Variants in RBM6 observed in about 807,000 individuals in gnomAD.
RBM6 encodes the protein RNA binding motif protein 6.
In RBM6, 23 loss-of-function variants were observed where a neutral mutation model predicts 140.4. The observed-to-expected ratio is 0.16, with a 90% CI of 0.12 to 0.23. RBM6 has a LOEUF of 0.23. Ranked by LOEUF, RBM6 falls within the 10% of genes least tolerant of loss-of-function variation. The pLI is 1.00. For synonymous variants in RBM6, 439 were observed against 475.6 expected (o/e 0.92, Z 1.00); for missense variants, 1,139 against 1,386.7 (o/e 0.82, Z 2.84).
chr3:49,960,008 C>G (rs2084211647), intron 1 of RBM6, among the ~76,000 whole-genome samples: 1 of 152,168 alleles, frequency 6.6e-6, no homozygotes, highest in Admixed American at 6.6e-5. Flanking sequence ...TCTGTAATCT[C>G]TTGCCCCAAG....
intron 5 of RBM6, among the ~76,000 whole-genome samples, chr3:49,985,133 T>A (rs1425860842): frequency 6.6e-6 from 1 of 152,220 alleles, no homozygotes; most frequent in African/African-American, 2.4e-5. Context: ...TGGGGCTTCC[T>A]ATGCCTTTTG....
intron 8 of RBM6, among the ~76,000 whole-genome samples, 170 bp downstream of exon 8, chr3:50,054,565 G>A (rs1439586113): frequency 1.3e-5 from 2 of 151,694 alleles, no homozygotes; most frequent in South Asian, 2.1e-4. Flanking sequence ...GAGTGCAGTG[G>A]CACCATCTTG....
chr3:49,984,601 A>ATCGCATCG (rs1559552631), intron 5 of RBM6, among the ~76,000 whole-genome samples: 50 of 91,680 alleles, frequency 5.5e-4, no homozygotes, highest in African/African-American at 1.9e-3. Flanking sequence ...ACATCACATC[A>ATCGCATCG]CATCACATCA....
Position 50,007,183 on chromosome 3 carries a change from G to C in RBM6, c.1557+7670G>C, listed in dbSNP as rs539203945. ...CAGGGGACTCCTTCCAGCTTCCCTA[G>C]TTGGAGTTTTTTTTTTTTTTTTTCC... is the stretch of plus-strand genomic sequence containing the variant. On this transcript the variant is annotated intron_variant, in intron 6 of 20. Coordinates refer to ENST00000266022, the MANE Select transcript of RBM6 (RefSeq NM_005777.3). Among the ~76,000 whole-genome samples the C allele has an allele frequency of 1.6e-3, 245 of 149,570 alleles. 1 individual carries two copies. Among genetic ancestry groups the C allele is most frequent in the Non-Finnish European group, 2.9e-3 (198 of 67,436 alleles).
rs2090120377 is a variant in RBM6, at chr3:50,066,332, C to T, written c.2773C>T (p.Pro925Ser). 5.0e-6 allele frequency: 8 copies of T among 1,613,958 alleles called. No individual in the cohort carries two copies. Among genetic ancestry groups the T allele is most frequent in the East Asian group, 2.2e-5 (1 of 44,894 alleles). The change falls in exon 17 of 21, where the codon CCC (proline) becomes TCC (serine). Residue 925 changes from proline (P) to serine (S), a missense_variant. Transcript: ENST00000266022. ...GGAAGAAGAGGAGGAACAGACCCCT[C>T]CCCCACAGCCCCGCACAGCACAGCC... ...EEEEEEEQTP[P>S]PQPRTAQPQK... is the part of the protein sequence containing the mutation.
At chr3:49,999,700 T>C (rs995436612) in intron 6 of RBM6, among the ~76,000 whole-genome samples, 187 bp downstream of exon 6, 1 of 151,678 alleles carries the variant, frequency 6.6e-6, no homozygotes, top group East Asian at 1.9e-4. Flanking sequence ...CAAAACTTAA[T>C]GGGCACAGAG....
rs1575874797 is a variant in RBM6 at position 50,068,696 on chromosome 3, C to T, written c.2950C>T (p.Leu984=). 1.2e-6 allele frequency: 2 copies of T among 1,614,096 alleles called. No homozygotes were observed. The part of the protein sequence containing the change: ...QQLSDLHKQN[L]EIHRKIKQSE... ...GAATTGCCTCTCTTCTCAGCAAAACCTGGAAATCCACCGGAAGATAAAACA... is the reference window on the plus strand; with the variant it reads ...GAATTGCCTCTCTTCTCAGCAAAACTTGGAAATCCACCGGAAGATAAAACA... Residue 984 remains leucine, a synonymous_variant, in exon 18 of 21, where the codon CTG becomes TTG. Coordinates refer to ENST00000266022, the MANE Select transcript of RBM6 (RefSeq NM_005777.3).
At chr3:49,977,879 G>A (rs1163524189) in intron 5 of RBM6, among the ~76,000 whole-genome samples, 1 of 152,178 alleles carries the variant, frequency 6.6e-6, no homozygotes. Context: ...CTACTTGGGA[G>A]TCTGAGATGG....
intron 19 of RBM6, among the ~76,000 whole-genome samples, chr3:50,073,075 G>A (rs2090354779): frequency 6.6e-6 from 1 of 152,114 alleles, no homozygotes; most frequent in Admixed American, 6.6e-5. Context: ...AGTCTAACAA[G>A]TCCAAATCTC....
In RBM6 at chr3:50,058,532, C is replaced by A; in HGVS notation, c.2100C>A (p.Thr700=). Residue 700 remains threonine, a synonymous_variant, in exon 10 of 21, where the codon ACC becomes ACA. Coordinates refer to ENST00000266022, the MANE Select transcript of RBM6 (RefSeq NM_005777.3). ...IKNRTGPMGH[T]YGFIDLDSHA... ...ACAGAACAGGCCCTATGGGGCATAC[C>A]TATGGCTTTATTGACCTCGACTCCC... is the stretch of plus-strand genomic sequence containing the variant. 1 of 1,611,470 alleles carries A rather than the reference C, an allele frequency of 6.2e-7. No homozygotes were observed. The highest frequency in any genetic ancestry group is 8.5e-7 in the Non-Finnish European group (1 of 1,177,610).
intron 5 of RBM6, among the ~76,000 whole-genome samples, chr3:49,985,328 A>T (rs1488122138): frequency 6.6e-6 from 1 of 152,232 alleles, no homozygotes. Context: ...TACAGGATTT[A>T]AAAATACGTT....
intron 6 of RBM6, among the ~76,000 whole-genome samples, chr3:50,032,990 A>AAAAAAG (rs1171492881): frequency 6.7e-6 from 1 of 149,310 alleles, no homozygotes; most frequent in Non-Finnish European, 1.5e-5. Flanking sequence ...CATCTCAAAA[A>AAAAAAG]AAAAAGAAAA....
At chr3:49,954,087 G>A (rs1384620051) in intron 1 of RBM6, among the ~76,000 whole-genome samples, 1 of 151,476 alleles carries the variant, frequency 6.6e-6, no homozygotes, top group Admixed American at 6.6e-5. Flanking sequence ...AGTGAGCCGA[G>A]AATGTGCCAC....
intron 6 of RBM6, among the ~76,000 whole-genome samples, chr3:50,009,357 C>A (rs936710941): frequency 2.6e-5 from 4 of 152,126 alleles, no homozygotes; most frequent in Admixed American, 6.6e-5. Context: ...TCAGAAAATT[C>A]TTGTAGGCTG....
intron 6 of RBM6, among the ~76,000 whole-genome samples, chr3:50,012,705 A>G (rs939226608): frequency 6.7e-6 from 1 of 149,940 alleles, no homozygotes; most frequent in Non-Finnish European, 1.5e-5. Flanking sequence ...AAAAGCTGCA[A>G]AAATTCCTGT....
intron 8 of RBM6, among the ~76,000 whole-genome samples, chr3:50,056,898 A>G (rs1006972061): frequency 5.9e-5 from 9 of 152,194 alleles, no homozygotes; most frequent in African/African-American, 2.2e-4. Flanking sequence ...CTACGTGCAG[A>G]TAGGGTCTGT....
chr3:50,051,565 T>G (rs961463895), intron 7 of RBM6, among the ~76,000 whole-genome samples: 2 of 152,160 alleles, frequency 1.3e-5, no homozygotes, highest in Non-Finnish European at 2.9e-5. Flanking sequence ...CACTTGAACC[T>G]GGGAGGCAGA....
intron 7 of RBM6, chr3:50,054,074 T>C (rs1242194111): frequency 5.1e-6 from 2 of 390,046 alleles, no homozygotes; most frequent in Non-Finnish European, 4.6e-6. Flanking sequence ...ATATTTCCTA[T>C]AGGAATCTTT....
In RBM6 at chr3:50,077,054, C is replaced by G; in HGVS notation, c.3293C>G (p.Thr1098Ser). 1 of 1,613,084 alleles carries G rather than the reference C, an allele frequency of 6.2e-7. No homozygotes were observed. Among genetic ancestry groups the G allele is most frequent in the South Asian group, 1.1e-5 (1 of 90,994 alleles). The change falls in exon 21 of 21, where the codon ACC (threonine) becomes AGC (serine). Residue 1098 changes from threonine to serine, a missense_variant. Around this residue, in one of 9 missense-constraint regions of RBM6, gnomAD observed 125 missense variants for 142.0 expected, o/e 0.88. Coordinates refer to ENST00000266022, the MANE Select transcript of RBM6 (RefSeq NM_005777.3). The stretch of plus-strand genomic sequence containing the variant: ...CCCAGTGTTGGAGCCTCAGGAAGAA[C>G]CAGCAAAAGACAGTCCAACGAGACT... ...RGPSVGASGR[T>S]SKRQSNETYR... is the part of the protein sequence containing the mutation.
Sources: allele counts gnomAD v4.1 joint callset (sites outside exome capture counted in the v4.1 genomes callset), GRCh38; gene constraint gnomAD v4.1.1; regional missense constraint gnomAD v4.1.1; transcripts MANE v1.5; gene names NCBI Gene and HGNC (gene_info 2026-07-23, HGNC 2026-07-21).